Variants in ZC3H7A observed in about 807,000 individuals in gnomAD.
ZC3H7A encodes zinc finger CCCH-type containing 7A.
Under a neutral mutation model 125.5 loss-of-function variants are expected in ZC3H7A, and 44 were observed. That is an observed-to-expected ratio of 0.35 (90% CI 0.28 to 0.45). ZC3H7A has a LOEUF of 0.45. ZC3H7A is among the 20% of genes least tolerant of loss of function. The pLI is 1.00. For synonymous variants in ZC3H7A, 399 were observed against 391.2 expected (o/e 1.02, Z -0.23); for missense variants, 977 against 1,170.7 (o/e 0.83, Z 2.41).
intron 5 of ZC3H7A, 106 bp downstream of exon 5, chr16:11,776,645 C>A: frequency 6.7e-7 from 1 of 1,492,142 alleles, no homozygotes; most frequent in East Asian, 2.3e-5. Context: ...GCATTTATAC[C>A]CAACTGAAGC....
intron 1 of ZC3H7A, among the ~76,000 whole-genome samples, chr16:11,787,215 C>A (rs1567394606): frequency 2.0e-5 from 3 of 152,100 alleles, no homozygotes; most frequent in Admixed American, 2.0e-4. Flanking sequence ...GGCAAGAGGA[C>A]TGATTAAGCC....
At chr16:11,756,131 C>T in intron 21 of ZC3H7A, 106 bp downstream of exon 21, 1 of 1,487,354 alleles carries the variant, frequency 6.7e-7, no homozygotes, top group Admixed American at 2.2e-5. Context: ...CCACTGCACT[C>T]CAGCCTGGTG....
chr16:11,761,587 T>C (rs1007902205), intron 18 of ZC3H7A, 76 bp from the exon 19 acceptor site: 128 of 1,480,552 alleles, frequency 8.6e-5, no homozygotes, highest in Non-Finnish European at 9.7e-5. Context: ...GGCACAAAGT[T>C]TGTACCTGAG....
At chr16:11,764,401 T>G (rs2052817236) in intron 15 of ZC3H7A, among the ~76,000 whole-genome samples, 1 of 152,012 alleles carries the variant, frequency 6.6e-6, no homozygotes, top group African/African-American at 2.4e-5. Flanking sequence ...ATGCAAAAAT[T>G]AGACGGGTGT....
intron 17 of ZC3H7A, 114 bp from the exon 18 acceptor site, chr16:11,762,157 T>C: frequency 1.8e-6 from 2 of 1,084,898 alleles, no homozygotes; most frequent in South Asian, 3.6e-5. Context: ...TTCCCATTTT[T>C]ATCTGACTTG....
chr16:11,773,780 A>C (rs1000285970), intron 9 of ZC3H7A, among the ~76,000 whole-genome samples: 3 of 151,706 alleles, frequency 2.0e-5, no homozygotes, highest in African/African-American at 7.3e-5. Flanking sequence ...CTACTCAGGA[A>C]GCTGAGGCAG....
chr16:11,755,594 A>G (rs2052630843), intron 21 of ZC3H7A, among the ~76,000 whole-genome samples: 2 of 152,278 alleles, frequency 1.3e-5, no homozygotes, highest in South Asian at 4.2e-4. Context: ...GCCTCCCACT[A>G]GGGAAGAGTC....
At chr16:11,775,540 C>T (rs2053066007) in intron 7 of ZC3H7A, 2 of 152,216 alleles carry the variant, frequency 1.3e-5, no homozygotes, top group African/African-American at 2.4e-5. Context: ...ACTTATTTCT[C>T]GTGGACCAGC....
At chr16:11,790,909 T>C (rs1014318591) in intron 1 of ZC3H7A, among the ~76,000 whole-genome samples, 5 of 149,800 alleles carry the variant, frequency 3.3e-5, no homozygotes, top group African/African-American at 1.2e-4. Flanking sequence ...AAGTAAAAAA[T>C]AAAAATAAAA....
At chr16:11,771,812 A>G (rs896605199) in intron 9 of ZC3H7A, among the ~76,000 whole-genome samples, 5 of 152,112 alleles carry the variant, frequency 3.3e-5, no homozygotes, top group African/African-American at 1.2e-4. Context: ...GATGTCTAAC[A>G]TTATAATCCA....
At chr16:11,770,370 T>C (rs975016826) in intron 10 of ZC3H7A, among the ~76,000 whole-genome samples, 2 of 152,166 alleles carry the variant, frequency 1.3e-5, no homozygotes, top group Admixed American at 6.5e-5. Context: ...AAACCTAAAA[T>C]AGACACATCT....
In ZC3H7A at chr16:11,765,712, T is replaced by C. The variant is rs114145841; in HGVS notation, c.1523-27A>G. On this transcript the variant is annotated intron_variant, in intron 13 of 22. Transcript: ENST00000355758. The surrounding 1 kb of genome is among the most constrained non-coding windows in gnomAD (Gnocchi z 4.8). ...TAGAAAGACAGGGAATGGACAGACA[T>C]TGAAAACATGGCAATTGGCCTGTAC... The C allele has an allele frequency of 7.3e-4, 1,167 of 1,597,432 alleles. 13 individuals carry two copies. In the African/African-American group the frequency reaches 0.014, roughly 19 times the overall value.
Position 11,762,051 on chromosome 16 carries a change from A to G in ZC3H7A, c.2080-8T>C, listed in dbSNP as rs776774860. ...TATTTGATTACCAAGTACCTTAAAC[A>G]ATTAAAAGATTCGTTTTAATTTTTT... is the stretch of plus-strand genomic sequence containing the variant. On this transcript the variant is annotated splice_polypyrimidine_tract_variant and splice_region_variant and intron_variant, in intron 17 of 22. Coordinates refer to ENST00000355758, the MANE Select transcript of ZC3H7A (RefSeq NM_014153.4). 1.3e-6 allele frequency: 2 copies of G among 1,574,596 alleles called. No homozygotes were observed. Among genetic ancestry groups the G allele is most frequent in the South Asian group, 1.2e-5 (1 of 83,916 alleles).
chr16:11,791,088 A>AACACACAC (rs34972921), intron 1 of ZC3H7A, among the ~76,000 whole-genome samples: 2,990 of 136,064 alleles, frequency 0.022, 71 homozygotes, highest in East Asian at 0.052. Flanking sequence ...AAATTTTTAA[A>AACACACAC]ACACACACAC....
intron 4 of ZC3H7A, among the ~76,000 whole-genome samples, chr16:11,778,020 C>CAA (rs58410590): frequency 2.4e-5 from 2 of 84,426 alleles, no homozygotes; most frequent in Admixed American, 1.0e-4. Context: ...ACTCTTGTCT[C>CAA]AAAAAAAAAA....
chr16:11,769,347 A>T (rs554067977), intron 10 of ZC3H7A, among the ~76,000 whole-genome samples: 33 of 152,272 alleles, frequency 2.2e-4, no homozygotes, highest in African/African-American at 7.5e-4. Flanking sequence ...AGGGCCCACC[A>T]ACTGCAACTA....
intron 21 of ZC3H7A, among the ~76,000 whole-genome samples, chr16:11,755,134 C>T (rs948665837): frequency 2.0e-5 from 3 of 147,430 alleles, no homozygotes; most frequent in Admixed American, 6.8e-5. Context: ...CGCTTGAACC[C>T]GAGAGGCGGA....
At chr16:11,779,144 C>A (rs375142326) in intron 4 of ZC3H7A, 22 bp downstream of exon 4, 1 of 1,550,300 alleles carries the variant, frequency 6.5e-7, no homozygotes, top group Non-Finnish European at 8.8e-7. Context: ...CTAGAAACAT[C>A]ATTTTAAAAA....
At chr16:11,795,274 A>T (rs1291771463) in intron 1 of ZC3H7A, among the ~76,000 whole-genome samples, 1 of 152,238 alleles carries the variant, frequency 6.6e-6, no homozygotes, top group Non-Finnish European at 1.5e-5. Flanking sequence ...GCTTAAGGGA[A>T]GGAGGCCACA....
Sources: gnomAD v4.1 joint callset for allele counts (sites outside exome capture counted in the v4.1 genomes callset) on GRCh38, gnomAD v4.1.1 for gene constraint, Gnocchi (gnomAD v3.1) non-coding constraint, MANE v1.5 for transcripts, NCBI Gene and HGNC (gene_info 2026-07-23, HGNC 2026-07-21) for gene names.